DTNBP1: variants seen among roughly 807,000 people sequenced by gnomAD.
DTNBP1 encodes the protein dystrobrevin binding protein 1.
A neutral mutation model predicts 42.8 loss-of-function variants in DTNBP1; 35 were observed. The ratio of observed to expected loss-of-function variants is 0.82; its 90% confidence interval spans 0.63 to 1.09. The LOEUF (loss-of-function observed/expected upper bound fraction) is 1.09, where lower values mean the gene tolerates loss of function less well. DTNBP1 is among the 50% of genes least tolerant of loss of function. The pLI is 0.00. For missense variants in DTNBP1, 457 were observed against 424.2 expected, an observed-to-expected ratio of 1.08 and a Z score of -0.68; for synonymous variants, 171 against 162.2, an observed-to-expected ratio of 1.05 and a Z score of -0.41.
intron 7 of DTNBP1, among the ~76,000 whole-genome samples, chr6:15,534,402 A>G (rs1773083494): frequency 6.6e-6 from 1 of 152,220 alleles, no homozygotes; most frequent in Non-Finnish European, 1.5e-5. Flanking sequence ...CTATAATCCC[A>G]GCCCTTTGGG....
chr6:15,623,463 C>A lies in DTNBP1; in HGVS notation c.355+3880G>T, dbSNP rs549405744. ...CTTTGGGAGGCTGAGGCAGGAAGAT[C>A]GCTTGAGTCCAGGAATAGTCTGAGG... On this transcript the variant is annotated intron_variant, in intron 5 of 9. Coordinates refer to ENST00000344537, the MANE Select transcript of DTNBP1 (RefSeq NM_032122.5). Among the ~76,000 whole-genome samples, 12 of 152,194 alleles carry A rather than the reference C, an allele frequency of 7.9e-5. No individual in the cohort carries two copies. The South Asian group carries it at 2.5e-3, about 32-fold the overall frequency.
At chr6:15,579,809 A>G (rs952721759) in intron 7 of DTNBP1, 5 of 453,852 alleles carry the variant, frequency 1.1e-5, no homozygotes, top group Non-Finnish European at 2.2e-5. Flanking sequence ...CTCCCTCTCA[A>G]AAAAAGAAAA....
At chr6:15,558,407 T>C (rs982833982) in intron 7 of DTNBP1, among the ~76,000 whole-genome samples, 4 of 152,042 alleles carry the variant, frequency 2.6e-5, no homozygotes, top group East Asian at 3.9e-4. Flanking sequence ...TCTGGGACTA[T>C]AGGCACGTGC....
At chr6:15,603,499 C>G (rs1776809148) in intron 6 of DTNBP1, among the ~76,000 whole-genome samples, 1 of 152,172 alleles carries the variant, frequency 6.6e-6, no homozygotes. Flanking sequence ...ATTCTAATAT[C>G]TGTGTCAGTT....
chr6:15,580,026 GTAA>G (rs1775756749), intron 7 of DTNBP1, among the ~76,000 whole-genome samples: 1 of 152,176 alleles, frequency 6.6e-6, no homozygotes, highest in Admixed American at 6.5e-5. Context: ...ACTTCTGTGT[GTAA>G]TAACCACGCA....
chr6:15,615,028 C>T lies in DTNBP1; in HGVS notation c.488+239G>A, dbSNP rs914860415. ...TGCTGGAAAACTTTGCCCTGTGCTCCACTCCTTCATCTTTATATTTGGGAT... is the reference window on the plus strand; with the variant it reads ...TGCTGGAAAACTTTGCCCTGTGCTCTACTCCTTCATCTTTATATTTGGGAT... On this transcript the variant is annotated intron_variant, in intron 6 of 9. Coordinates refer to ENST00000344537, the MANE Select transcript of DTNBP1 (RefSeq NM_032122.5). The T allele has an allele frequency of 4.7e-6, 3 of 636,560 alleles. No homozygotes were observed. The Admixed American group carries it at 6.5e-5, about 14-fold the overall frequency. 39.4% of individuals were successfully genotyped at this position (636,560 alleles called of 1,614,324 possible). A position where few individuals can be genotyped will look rare whatever the true frequency, so the allele number is the denominator to read the frequency against.
At chr6:15,568,337 T>A (rs1481130039) in intron 7 of DTNBP1, among the ~76,000 whole-genome samples, 2 of 152,182 alleles carry the variant, frequency 1.3e-5, no homozygotes, top group Admixed American at 6.5e-5. Context: ...AAAGTTAACA[T>A]AAAAATACAT....
intron 8 of DTNBP1, among the ~76,000 whole-genome samples, chr6:15,528,100 T>C (rs903906216): frequency 6.6e-6 from 1 of 152,128 alleles, no homozygotes; most frequent in Non-Finnish European, 1.5e-5. Context: ...GCTCAAACTG[T>C]AGACAAGGTT....
At chr6:15,588,968 A>C (rs1431899910) in intron 7 of DTNBP1, among the ~76,000 whole-genome samples, 1 of 152,158 alleles carries the variant, frequency 6.6e-6, no homozygotes, top group East Asian at 1.9e-4. Context: ...TCTAATCTAT[A>C]AGCTTTGCCA....
In DTNBP1 at chr6:15,617,099, CA is replaced by C. The variant is rs1758759314; in HGVS notation, c.356-1701del. 4.6e-5 allele frequency among the ~76,000 whole-genome samples: 7 copies of C among 152,226 alleles called. No homozygotes were observed. In the South Asian group the frequency reaches 1.5e-3, roughly 32 times the overall value. ...GGAAAGAGCCAGGTGTGGTGGCTCA[CA>C]CCTGTAATCTCAGCACTTCGGGAGG... On this transcript the variant is annotated intron_variant, in intron 5 of 9. Coordinates refer to ENST00000344537, the MANE Select transcript of DTNBP1 (RefSeq NM_032122.5).
At chr6:15,546,060 G>C (rs1365633328) in intron 7 of DTNBP1, 6 of 354,226 alleles carry the variant, frequency 1.7e-5, no homozygotes, top group Non-Finnish European at 3.1e-5. Flanking sequence ...GTCACCTCCA[G>C]TTCTTTTTTT....
Position 15,637,738 on chromosome 6 carries a change from C to A in DTNBP1, c.222+6G>T, listed in dbSNP as rs1362895345. 6.2e-7 allele frequency: 1 copy of A among 1,613,840 alleles called. No homozygotes were observed. The highest frequency in any genetic ancestry group is 1.7e-5 in the Admixed American group (1 of 60,030). On this transcript the variant is annotated splice_donor_region_variant and intron_variant, in intron 4 of 9. Coordinates refer to ENST00000344537, the MANE Select transcript of DTNBP1 (RefSeq NM_032122.5). ...GCCACGAGTATAAGATTAGTCAATT[C>A]TTTACCTCTCCAGCACTTGCACAGT...
chr6:15,646,158 A>T (rs1192014928), intron 3 of DTNBP1, among the ~76,000 whole-genome samples: 1 of 151,754 alleles, frequency 6.6e-6, no homozygotes, highest in Non-Finnish European at 1.5e-5. Flanking sequence ...ACTAAAAAAT[A>T]AAAATTAAAA....
At chr6:15,616,272 G>A (rs1758708650) in intron 5 of DTNBP1, among the ~76,000 whole-genome samples, 4 of 152,184 alleles carry the variant, frequency 2.6e-5, no homozygotes, top group South Asian at 4.1e-4. Context: ...AAAAGCTTTC[G>A]AGGTCAAAGA....
At chr6:15,574,170 G>A (rs535205964) in intron 7 of DTNBP1, among the ~76,000 whole-genome samples, 1 of 152,310 alleles carries the variant, frequency 6.6e-6, no homozygotes, top group South Asian at 2.1e-4. Context: ...GTTACAAGGA[G>A]AAAATGCAGA....
In DTNBP1 at chr6:15,581,051, G is replaced by A. The variant is rs114698750; in HGVS notation, c.511+12008C>T. 5.2e-3 allele frequency among the ~76,000 whole-genome samples: 793 copies of A among 152,304 alleles called. 5 individuals carry two copies. The highest frequency in any genetic ancestry group is 0.016 in the African/African-American group (665 of 41,586). The stretch of plus-strand genomic sequence containing the variant: ...AGAGTGTGAACTGTCAACACACCAC[G>A]TAAACACCTTCAGGACTGCTCATAA... On this transcript the variant is annotated intron_variant, in intron 7 of 9. Coordinates refer to ENST00000344537, the MANE Select transcript of DTNBP1 (RefSeq NM_032122.5).
At chr6:15,574,205 C>G (rs1775467227) in intron 7 of DTNBP1, among the ~76,000 whole-genome samples, 1 of 152,232 alleles carries the variant, frequency 6.6e-6, no homozygotes, top group Non-Finnish European at 1.5e-5. Flanking sequence ...ATGGTTTCCA[C>G]AAGCACTGGC....
intron 8 of DTNBP1, 142 bp downstream of exon 8, chr6:15,533,098 G>T: frequency 1.6e-6 from 2 of 1,274,778 alleles, no homozygotes; most frequent in South Asian, 1.3e-5. Flanking sequence ...GTGGCCCGAC[G>T]CACACATTTT....
chr6:15,566,115 C>T (rs1372239298), intron 7 of DTNBP1, among the ~76,000 whole-genome samples: 1 of 151,876 alleles, frequency 6.6e-6, no homozygotes, highest in Non-Finnish European at 1.5e-5. Context: ...GAGATCGAGA[C>T]CATCCCGGCT....
Sources: allele counts gnomAD v4.1 joint callset (sites outside exome capture counted in the v4.1 genomes callset), GRCh38; gene constraint gnomAD v4.1.1; transcripts MANE v1.5; gene names NCBI Gene and HGNC (gene_info 2026-07-23, HGNC 2026-07-21).